The following DOP1A variants were observed in gnomAD, a reference collection of about 807,000 sequenced individuals.
The protein encoded by DOP1A is protein DOP1A.
DOP1A carries 90 observed loss-of-function variants against 267.6 expected under a neutral mutation model. The observed-to-expected ratio is 0.34, with a 90% CI of 0.28 to 0.40. The LOEUF (loss-of-function observed/expected upper bound fraction) is 0.40, where lower values mean the gene tolerates loss of function less well. Ranked by LOEUF, DOP1A falls within the 10% of genes least tolerant of loss-of-function variation. DOP1A has a pLI of 1.00. For synonymous variants in DOP1A, 932 were observed against 999.1 expected (o/e 0.93, Z 1.27); for missense variants, 2,437 against 2,900.4 (o/e 0.84, Z 3.67).
chr6:83,159,118 A>C (rs1783567277), intron 36 of DOP1A, among the ~76,000 whole-genome samples: 1 of 152,176 alleles, frequency 6.6e-6, no homozygotes, highest in Non-Finnish European at 1.5e-5. Context: ...AAGTTTCTTG[A>C]ATATATTTTC....
At chr6:83,096,383 G>A (rs1771514734) in intron 1 of DOP1A, among the ~76,000 whole-genome samples, 1 of 151,078 alleles carries the variant, frequency 6.6e-6, no homozygotes, top group African/African-American at 2.4e-5. Context: ...GTACTCAGCT[G>A]TGGGCATACT....
At position 83,122,944 on chromosome 6, in the gene DOP1A, G is replaced by A. The variant is rs1475905122; in HGVS notation, c.1302G>A (p.Met434Ile). Residue 434 changes from methionine (M) to isoleucine (I), a missense_variant, in exon 12 of 39, where the codon ATG becomes ATA. Physicochemically the swap from Met to Ile is conservative, Grantham distance 10 (BLOSUM62 1). This residue lies in a region of DOP1A where 498 missense variants were observed against 513.5 expected (regional missense o/e 0.97). Coordinates refer to ENST00000349129, the MANE Select transcript of DOP1A (RefSeq NM_015018.4). ...TTAATTCCTTCGAACCTTATTATAT[G>A]TGGGATTATGTTGCACGCTGGTTTG... Reference protein sequence around the residue: ...LLFNSFEPYYMWDYVARWFEE... With the variant: ...LLFNSFEPYYIWDYVARWFEE... 1.9e-6 allele frequency: 3 copies of A among 1,580,780 alleles called. No homozygotes were observed. The highest frequency in any genetic ancestry group is 1.2e-5 in the South Asian group (1 of 83,914).
intron 7 of DOP1A, among the ~76,000 whole-genome samples, chr6:83,113,951 A>G (rs1357880894): frequency 6.6e-6 from 1 of 152,218 alleles, no homozygotes; most frequent in Non-Finnish European, 1.5e-5. Flanking sequence ...GAAAGGATCT[A>G]AATTCCTTTG....
At position 83,111,473 on chromosome 6, in the gene DOP1A, A is replaced by G. The variant is rs574266272; in HGVS notation, c.681+1159A>G. Reference sequence around the variant, plus strand: ...AACTTTTTTCCAAAGTGACTGCACCAATTTTTATTTCCACTTGCAGTATAT... The same window carrying G: ...AACTTTTTTCCAAAGTGACTGCACCGATTTTTATTTCCACTTGCAGTATAT... On this transcript the variant is annotated intron_variant, in intron 6 of 38. Coordinates refer to ENST00000349129, the MANE Select transcript of DOP1A (RefSeq NM_015018.4). Among the ~76,000 whole-genome samples, 21 of 151,906 alleles carry G rather than the reference A, an allele frequency of 1.4e-4. No individual in the cohort carries two copies. The South Asian group carries it at 4.4e-3, about 32-fold the overall frequency.
intron 25 of DOP1A, among the ~76,000 whole-genome samples, 195 bp from the exon 26 acceptor site, chr6:83,147,041 T>TA (rs1165379134): frequency 2.0e-5 from 3 of 152,210 alleles, no homozygotes; most frequent in Admixed American, 1.3e-4. Context: ...TTTCAACTTT[T>TA]AAAATAGCTC....
chr6:83,129,472 C>A lies in DOP1A; in HGVS notation c.2305C>A (p.His769Asn). 1.9e-6 allele frequency: 3 copies of A among 1,557,502 alleles called. No individual in the cohort carries two copies. The highest frequency in any genetic ancestry group is 2.6e-6 in the Non-Finnish European group (3 of 1,160,596). ...CCCAGTTTACATTGCTGAGGGGAAC[C>A]ATACATCAGAGTTACGTTCTGAAAA... ...SFPVYIAEGN[H>N]TSELRSEKLE... is the part of the protein sequence containing the mutation. Residue 769 changes from histidine to asparagine, a missense_variant, in exon 16 of 39, where the codon CAT becomes AAT. Around this residue, in one of 9 missense-constraint regions of DOP1A, gnomAD observed 11 missense variants for 30.0 expected, o/e 0.37. Coordinates refer to ENST00000349129, the MANE Select transcript of DOP1A (RefSeq NM_015018.4).
chr6:83,148,821 T>C lies in DOP1A; in HGVS notation c.5795T>C (p.Ile1932Thr), dbSNP rs1781037403. 1 of 1,553,824 alleles carries C rather than the reference T, an allele frequency of 6.4e-7. No individual in the cohort carries two copies. Among genetic ancestry groups the C allele is most frequent in the African/African-American group, 1.4e-5 (1 of 70,586 alleles). The change falls in exon 27 of 39, where the codon ATA becomes ACA. Residue 1932 changes from isoleucine to threonine, a missense_variant. This residue lies in a region of DOP1A where 216 missense variants were observed against 283.3 expected (regional missense o/e 0.76). Transcript: ENST00000349129. The stretch of plus-strand genomic sequence containing the variant: ...CTGTTGATACTTCTGAAAGACTCTA[T>C]ACAACTGAGTCTTCCAGCTCCAGGG... ...ASLLILLKDS[I>T]QLSLPAPGQF...
chr6:83,120,936 A>T (rs1776272039), intron 10 of DOP1A, 145 bp downstream of exon 10: 2 of 523,046 alleles, frequency 3.8e-6, no homozygotes, highest in African/African-American at 3.8e-5. Context: ...TTCACTCTAC[A>T]AAGTTAAGAT....
chr6:83,153,760 A>T, intron 31 of DOP1A, 134 bp from the exon 32 acceptor site: 1 of 1,179,866 alleles, frequency 8.5e-7, no homozygotes, highest in Non-Finnish European at 1.2e-6. Context: ...AAATTCATAT[A>T]TTATTTTTCT....
chr6:83,100,120 T>C (rs917685539), intron 3 of DOP1A, among the ~76,000 whole-genome samples: 2 of 152,152 alleles, frequency 1.3e-5, no homozygotes, highest in African/African-American at 2.4e-5. Context: ...TCTAAGGAAA[T>C]GTTATGGTTG....
intron 38 of DOP1A, chr6:83,165,490 C>T (rs1018731404): frequency 6.5e-6 from 1 of 154,412 alleles, no homozygotes; most frequent in African/African-American, 2.4e-5. Flanking sequence ...TAGGTTCACA[C>T]AAATCTTTAT....
intron 18 of DOP1A, among the ~76,000 whole-genome samples, chr6:83,132,551 A>G (rs957516507): frequency 6.6e-6 from 1 of 151,782 alleles, no homozygotes; most frequent in Non-Finnish European, 1.5e-5. Context: ...AAATTAAAAC[A>G]AAAATAAAAT....
At chr6:83,082,160 C>A (rs1157798435) in intron 1 of DOP1A, among the ~76,000 whole-genome samples, 3 of 152,096 alleles carry the variant, frequency 2.0e-5, no homozygotes, top group Non-Finnish European at 4.4e-5. Flanking sequence ...ATTCTGTAAT[C>A]CCACTACTGA....
chr6:83,166,021 C>T (rs1785429827), intron 38 of DOP1A: 1 of 293,796 alleles, frequency 3.4e-6, no homozygotes, highest in Admixed American at 4.2e-5. Context: ...TCAGTCCAGC[C>T]ACTGAGCTGG....
Position 83,110,130 on chromosome 6 carries a change from A to G in DOP1A, c.497A>G (p.Asn166Ser). 1 of 1,597,378 alleles carries G rather than the reference A, an allele frequency of 6.3e-7. No homozygotes were observed. Among genetic ancestry groups the G allele is most frequent in the Non-Finnish European group, 8.5e-7 (1 of 1,173,534 alleles). Residue 166 changes from asparagine to serine, a missense_variant, in exon 6 of 39, where the codon AAT (asparagine) becomes AGT (serine). Physicochemically the swap from Asn to Ser is conservative, Grantham distance 46. Coordinates refer to ENST00000349129, the MANE Select transcript of DOP1A (RefSeq NM_015018.4). ...CCACTTTATTTATACCTCAGAACAA[A>G]TATGTTGTTGGAAAAGGTTGCTGCT... is the stretch of plus-strand genomic sequence containing the variant. The part of the protein sequence containing the change: ...EEGSEYYERT[N>S]MLLEKVAAAV...
At chr6:83,122,487 A>G (rs868106612) in intron 11 of DOP1A, among the ~76,000 whole-genome samples, 5 of 152,092 alleles carry the variant, frequency 3.3e-5, no homozygotes, top group African/African-American at 9.6e-5. Context: ...AATTCTTCAC[A>G]ATCAAGGCTG....
intron 38 of DOP1A, chr6:83,164,564 C>A: frequency 8.9e-7 from 1 of 1,126,614 alleles, no homozygotes; most frequent in African/African-American, 1.5e-5. Context: ...GATTGAAAGG[C>A]ATCTTCCCAT....
chr6:83,137,925 G>A lies in DOP1A; in HGVS notation c.3883G>A (p.Gly1295Arg). 6.2e-7 allele frequency: 1 copy of A among 1,607,364 alleles called. No homozygotes were observed. Among genetic ancestry groups the A allele is most frequent in the Non-Finnish European group, 8.5e-7 (1 of 1,178,162 alleles). Reference sequence around the variant, plus strand: ...AGTTAAGGAGTCAGGTAAACAACCAGGAGCAAAACCTAAAGTAAAACTTGC... The same window carrying A: ...AGTTAAGGAGTCAGGTAAACAACCAAGAGCAAAACCTAAAGTAAAACTTGC... ...TIVKESGKQP[G>R]AKPKVKLARK... Residue 1295 changes from glycine (G) to arginine (R), a missense_variant, in exon 21 of 39, where the codon GGA (glycine) becomes AGA (arginine). By Grantham distance (125) the Gly-to-Arg change is moderately radical. This residue lies in a region of DOP1A where 878 missense variants were observed against 992.9 expected (regional missense o/e 0.88). Coordinates refer to ENST00000349129, the MANE Select transcript of DOP1A (RefSeq NM_015018.4).
At chr6:83,145,695 C>G (rs113937376) in intron 25 of DOP1A, 37 bp downstream of exon 25, 3 of 1,596,300 alleles carry the variant, frequency 1.9e-6, no homozygotes, top group African/African-American at 2.7e-5. Flanking sequence ...GTTTACAATT[C>G]TGTTTCAGAA....
Sources: allele counts gnomAD v4.1 joint callset (sites outside exome capture counted in the v4.1 genomes callset), GRCh38; gene constraint gnomAD v4.1.1; regional missense constraint gnomAD v4.1.1; transcripts MANE v1.5; gene names NCBI Gene and HGNC (gene_info 2026-07-23, HGNC 2026-07-21).